CPEB3: variants seen among roughly 807,000 people sequenced by gnomAD.
CPEB3 encodes the protein cytoplasmic polyadenylation element-binding protein 3.
A neutral mutation model predicts 67.2 loss-of-function variants in CPEB3; 20 were observed. That is an observed-to-expected ratio of 0.30 (90% CI 0.21 to 0.43). The LOEUF (loss-of-function observed/expected upper bound fraction) is 0.43. Ranked by LOEUF, CPEB3 falls within the 20% of genes least tolerant of loss-of-function variation. The probability of loss-of-function intolerance (pLI) is 1.00; values close to 1 mark genes in which losing one functional copy is unlikely to be tolerated. For synonymous variants in CPEB3, 376 were observed against 393.1 expected (o/e 0.96, Z 0.51); for missense variants, 746 against 968.6 (o/e 0.77, Z 3.05).
chr10:92,108,966 A>T (rs1403882974), intron 7 of CPEB3, among the ~76,000 whole-genome samples: 2 of 152,176 alleles, frequency 1.3e-5, no homozygotes, highest in African/African-American at 4.8e-5. Context: ...CACAAGGCAT[A>T]TTATTCTCCT....
intron 7 of CPEB3, among the ~76,000 whole-genome samples, chr10:92,099,206 A>G (rs1344849126): frequency 6.9e-6 from 1 of 145,212 alleles, no homozygotes; most frequent in African/African-American, 2.7e-5. Flanking sequence ...CAAGACATGC[A>G]ATATGGGTCT....
chr10:92,136,474 C>G (rs1846101320), intron 6 of CPEB3, among the ~76,000 whole-genome samples: 1 of 152,052 alleles, frequency 6.6e-6, no homozygotes, highest in South Asian at 2.1e-4. Context: ...ATAAAGAGCT[C>G]AAACAACTCA....
chr10:92,200,567 AAAG>A (rs1247315601), intron 2 of CPEB3, among the ~76,000 whole-genome samples: 2 of 151,184 alleles, frequency 1.3e-5, no homozygotes, highest in Non-Finnish European at 3.0e-5. Flanking sequence ...AAAAAAAAAA[AAAG>A]ATTAGGGCAT....
chr10:92,186,943 G>A (rs931700350), intron 3 of CPEB3, among the ~76,000 whole-genome samples: 16 of 152,012 alleles, frequency 1.1e-4, no homozygotes, highest in African/African-American at 3.9e-4. Context: ...AACAGATATG[G>A]GCTATCAAGG....
chr10:92,194,343 G>A lies in CPEB3; in HGVS notation c.1006-1707C>T, dbSNP rs377022074. 3.3e-4 allele frequency among the ~76,000 whole-genome samples: 50 copies of A among 151,884 alleles called. 1 individual carries two copies. The highest frequency in any genetic ancestry group is 1.2e-3 in the African/African-American group (49 of 41,390). ...TAATCCCAGCTACTCAGGAAGCTGA[G>A]GCAGCGAATTGCTTGGACCCGGGAG... On this transcript the variant is annotated intron_variant, in intron 2 of 9. Coordinates refer to ENST00000265997, the MANE Select transcript of CPEB3 (RefSeq NM_014912.5).
intron 4 of CPEB3, among the ~76,000 whole-genome samples, chr10:92,180,487 C>G (rs1343588082): frequency 6.6e-6 from 1 of 152,192 alleles, no homozygotes; most frequent in African/African-American, 2.4e-5. Context: ...CAAACATTTT[C>G]TGTAAAGGGT....
intron 7 of CPEB3, among the ~76,000 whole-genome samples, chr10:92,106,281 CAA>C (rs1844449795): frequency 1.3e-5 from 2 of 148,782 alleles, no homozygotes; most frequent in African/African-American, 5.0e-5. Context: ...CTTTTGGACA[CAA>C]GATTTTATAT....
At chr10:92,258,295 T>C (rs892915641) in intron 1 of CPEB3, among the ~76,000 whole-genome samples, 2 of 151,164 alleles carry the variant, frequency 1.3e-5, no homozygotes, top group African/African-American at 4.9e-5. Context: ...AGACAGGATT[T>C]TGACATGTTG....
chr10:92,201,298 C>T (rs893648702), intron 2 of CPEB3, among the ~76,000 whole-genome samples: 13 of 152,040 alleles, frequency 8.6e-5, no homozygotes, highest in African/African-American at 2.7e-4. Context: ...GAGGCCGAGG[C>T]GGGCGGATCA....
intron 1 of CPEB3, among the ~76,000 whole-genome samples, chr10:92,262,616 G>A (rs187631080): frequency 2.2e-4 from 34 of 152,130 alleles, no homozygotes; most frequent in African/African-American, 7.7e-4. Flanking sequence ...GGAGGCTGAG[G>A]GGGGAGGATT....
At chr10:92,212,987 A>G (rs1850170127) in intron 2 of CPEB3, among the ~76,000 whole-genome samples, 2 of 152,192 alleles carry the variant, frequency 1.3e-5, no homozygotes, top group African/African-American at 4.8e-5. Flanking sequence ...AAAATGATCT[A>G]TGTAGCTTGC....
At chr10:92,129,781 C>T (rs1845760877) in intron 6 of CPEB3, among the ~76,000 whole-genome samples, 1 of 152,156 alleles carries the variant, frequency 6.6e-6, no homozygotes, top group South Asian at 2.1e-4. Context: ...GTAGCTCACG[C>T]CTGTAATCCC....
chr10:92,137,695 T>C (rs908415492), intron 6 of CPEB3: 1 of 468,040 alleles, frequency 2.1e-6, no homozygotes, highest in Non-Finnish European at 3.8e-6. Flanking sequence ...TCATCAATAC[T>C]GGAAAGAAGG....
intron 8 of CPEB3, among the ~76,000 whole-genome samples, chr10:92,085,760 TC>T (rs1224922152): frequency 6.6e-6 from 1 of 152,080 alleles, no homozygotes; most frequent in East Asian, 1.9e-4. Context: ...AGGAGTGCAG[TC>T]ACCACGCCCA....
At chr10:92,203,297 C>G (rs947371346) in intron 2 of CPEB3, among the ~76,000 whole-genome samples, 1 of 148,374 alleles carries the variant, frequency 6.7e-6, no homozygotes, top group Non-Finnish European at 1.5e-5. Context: ...TATGACACTT[C>G]CGGTAAATCA....
At chr10:92,120,098 C>CAAAAAAA (rs34785763) in intron 6 of CPEB3, among the ~76,000 whole-genome samples, 2 of 45,246 alleles carry the variant, frequency 4.4e-5, no homozygotes, top group African/African-American at 1.3e-4. Context: ...ACTAAAAATA[C>CAAAAAAA]AAAAAAAAAA....
chr10:92,227,671 G>A (rs1380774220), intron 2 of CPEB3, among the ~76,000 whole-genome samples: 13 of 148,204 alleles, frequency 8.8e-5, no homozygotes, highest in Non-Finnish European at 1.6e-4. Context: ...GCTCACTGCA[G>A]GCTCCGCCCC....
intron 2 of CPEB3, among the ~76,000 whole-genome samples, chr10:92,209,519 C>T (rs1803655834): frequency 6.6e-6 from 1 of 151,848 alleles, no homozygotes; most frequent in Non-Finnish European, 1.5e-5. Flanking sequence ...GAGACAGAAA[C>T]TCTGTGTCAA....
intron 9 of CPEB3, among the ~76,000 whole-genome samples, chr10:92,077,734 C>T (rs1564759248): frequency 8.1e-6 from 1 of 123,750 alleles, no homozygotes; most frequent in African/African-American, 3.1e-5. Context: ...GACCCTGTCA[C>T]AAAAAGAGAA....
Sources: gnomAD v4.1 joint callset for allele counts (sites outside exome capture counted in the v4.1 genomes callset) on GRCh38, gnomAD v4.1.1 for gene constraint, MANE v1.5 for transcripts, NCBI Gene and HGNC (gene_info 2026-07-23, HGNC 2026-07-21) for gene names.